The following TCF12 variants were observed in gnomAD, a reference collection of about 807,000 sequenced individuals.
TCF12 encodes the protein transcription factor 12.
In TCF12, 45 loss-of-function variants were observed where a neutral mutation model predicts 86.0. The observed-to-expected ratio is 0.52, with a 90% CI of 0.41 to 0.67. The LOEUF (loss-of-function observed/expected upper bound fraction) is 0.67, where lower values mean the gene tolerates loss of function less well. Among genes scored for constraint, TCF12 ranks in the 30% least tolerant of loss-of-function variants. The pLI, the probability that TCF12 is intolerant of heterozygous loss-of-function variation, is 0.00. For missense variants in TCF12, 881 were observed against 859.9 expected, an observed-to-expected ratio of 1.02 and a Z score of -0.31; for synonymous variants, 330 against 299.6, an observed-to-expected ratio of 1.10 and a Z score of -1.05.
chr15:57,155,486 A>T (rs2054051787), intron 5 of TCF12, among the ~76,000 whole-genome samples: 1 of 152,188 alleles, frequency 6.6e-6, no homozygotes, highest in Non-Finnish European at 1.5e-5. Flanking sequence ...GTCCTCATGT[A>T]GCAAGAACCA....
intron 3 of TCF12, among the ~76,000 whole-genome samples, chr15:57,011,412 C>T (rs1364420889): frequency 6.6e-6 from 1 of 152,064 alleles, no homozygotes; most frequent in Non-Finnish European, 1.5e-5. Context: ...TGATTGTAAG[C>T]CTCCTGAGGC....
intron 4 of TCF12, 47 bp from the exon 5 acceptor site, chr15:57,091,742 G>A: frequency 2.1e-6 from 3 of 1,414,926 alleles, no homozygotes; most frequent in Non-Finnish European, 3.0e-6. Flanking sequence ...CAATTAGCGG[G>A]ACTGCCAAAT....
intron 3 of TCF12, among the ~76,000 whole-genome samples, chr15:57,021,744 AT>A (rs35563193): frequency 0.54 from 80,323 of 149,452 alleles, 22,212 homozygotes; most frequent in African/African-American, 0.67. Context: ...TTATACTTAG[AT>A]TTTTTTTTTT....
chr15:57,290,542 G>A (rs541686165), downstream of TCF12, among the ~76,000 whole-genome samples: 1 of 152,282 alleles, frequency 6.6e-6, no homozygotes, highest in Admixed American at 6.5e-5. Context: ...ACACCATGCT[G>A]CAGGTTTGAC....
At chr15:57,280,198 C>G (rs1035706291) in intron 19 of TCF12, among the ~76,000 whole-genome samples, 2 of 150,204 alleles carry the variant, frequency 1.3e-5, no homozygotes, top group African/African-American at 4.8e-5. Flanking sequence ...CCCACAGTCT[C>G]TTATAAAAAA....
intron 3 of TCF12, among the ~76,000 whole-genome samples, chr15:56,929,619 C>T (rs1480978703): frequency 6.6e-6 from 1 of 151,934 alleles, no homozygotes; most frequent in Non-Finnish European, 1.5e-5. Flanking sequence ...TTAAAGATCC[C>T]ACAGAAAAGA....
At chr15:56,980,226 G>A (rs2062826068) in intron 3 of TCF12, among the ~76,000 whole-genome samples, 1 of 152,132 alleles carries the variant, frequency 6.6e-6, no homozygotes, top group Non-Finnish European at 1.5e-5. Context: ...TTAGCTGGGG[G>A]TAGTGGCATG....
At chr15:57,030,198 G>A (rs2066074369) in intron 3 of TCF12, among the ~76,000 whole-genome samples, 1 of 152,154 alleles carries the variant, frequency 6.6e-6, no homozygotes, top group South Asian at 2.1e-4. Flanking sequence ...GTCTTGCTCT[G>A]TCACTGAGGC....
At chr15:57,102,896 C>G (rs933038492) in intron 5 of TCF12, among the ~76,000 whole-genome samples, 4 of 152,110 alleles carry the variant, frequency 2.6e-5, no homozygotes, top group Non-Finnish European at 4.4e-5. Flanking sequence ...CAGAAAAAAC[C>G]TGCTTCTCAA....
rs2061931984 is a variant in TCF12 at position 57,286,315 on chromosome 15, G to C, written c.*170G>C. 1 of 202,750 alleles carries C rather than the reference G, an allele frequency of 4.9e-6. No individual in the cohort carries two copies. The highest frequency in any genetic ancestry group is 7.6e-5 in the South Asian group (1 of 13,186). 12.6% of individuals were successfully genotyped at this position (202,750 alleles called of 1,614,324 possible). ...TGTAATCCTACGATCAAAGCAACTG[G>C]TCAACACTTCCATCAGAAGTGAAGA... On this transcript the variant is annotated 3_prime_UTR_variant, in exon 21 of 21. Coordinates refer to ENST00000333725, the MANE Select transcript of TCF12 (RefSeq NM_207037.2).
At chr15:57,282,220 AC>A (rs746107932) in intron 19 of TCF12, 5 of 567,814 alleles carry the variant, frequency 8.8e-6, no homozygotes, top group Non-Finnish European at 1.5e-5. Context: ...ACCCTAGAAA[AC>A]TAAATCATAA....
chr15:57,229,237 A>G (rs1212813923), intron 8 of TCF12, among the ~76,000 whole-genome samples: 1 of 152,002 alleles, frequency 6.6e-6, no homozygotes, highest in Non-Finnish European at 1.5e-5. Flanking sequence ...TTATCTGCCT[A>G]TCAGCCTGTA....
chr15:57,028,257 G>A (rs539952937), intron 3 of TCF12, among the ~76,000 whole-genome samples: 2 of 151,826 alleles, frequency 1.3e-5, no homozygotes, highest in South Asian at 4.2e-4. Context: ...CACCGCGCCC[G>A]ACTGAAACCT....
At chr15:56,927,529 G>A (rs1460843332) in intron 3 of TCF12, among the ~76,000 whole-genome samples, 3 of 152,020 alleles carry the variant, frequency 2.0e-5, no homozygotes, top group African/African-American at 4.8e-5. Context: ...TAAAATAGTT[G>A]CATGCTCTTA....
intron 3 of TCF12, among the ~76,000 whole-genome samples, chr15:57,004,928 CTTTAGAGTATTAGCTATACTAT>C (rs1211851084): frequency 6.6e-6 from 1 of 152,158 alleles, no homozygotes; most frequent in Non-Finnish European, 1.5e-5. Flanking sequence ...TCATTCTGAT[CTTTAGAGTATTAGCTATACTAT>C]ATGCTGTTTT....
chr15:57,153,856 T>A (rs1243494300), intron 5 of TCF12, among the ~76,000 whole-genome samples: 1 of 150,888 alleles, frequency 6.6e-6, no homozygotes, highest in African/African-American at 2.4e-5. Context: ...ACTCTGTCTC[T>A]CCAAAAAAAA....
At chr15:56,969,572 C>G (rs2062184294) in intron 3 of TCF12, among the ~76,000 whole-genome samples, 1 of 117,166 alleles carries the variant, frequency 8.5e-6, no homozygotes, top group Non-Finnish European at 1.7e-5. Context: ...AGATTTCATT[C>G]TGTCACCCGG....
chr15:57,166,340 C>T (rs1331769347), intron 5 of TCF12, 62 bp from the exon 6 acceptor site: 2 of 1,326,784 alleles, frequency 1.5e-6, no homozygotes, highest in African/African-American at 2.9e-5. Flanking sequence ...AATAGTCTAG[C>T]AGTTTGATTG....
chr15:57,261,204 C>T (rs548600817), intron 16 of TCF12, among the ~76,000 whole-genome samples: 1 of 152,018 alleles, frequency 6.6e-6, no homozygotes, highest in African/African-American at 2.4e-5. Context: ...TTTTAAAATC[C>T]ACTAAATGGC....
Sources: gnomAD v4.1 joint callset for allele counts (sites outside exome capture counted in the v4.1 genomes callset) on GRCh38, gnomAD v4.1.1 for gene constraint, MANE v1.5 for transcripts, NCBI Gene and HGNC (gene_info 2026-07-23, HGNC 2026-07-21) for gene names.